The following AUTS2 variants were observed in gnomAD, a reference collection of about 807,000 sequenced individuals.
AUTS2 encodes activator of transcription and developmental regulator AUTS2.
A neutral mutation model predicts 112.4 loss-of-function variants in AUTS2; 17 were observed. The observed-to-expected ratio is 0.15, with a 90% CI of 0.10 to 0.23. The LOEUF (loss-of-function observed/expected upper bound fraction) is 0.23. AUTS2 is among the 10% of genes least tolerant of loss of function. The pLI, the probability that AUTS2 is intolerant of heterozygous loss-of-function variation, is 1.00. For synonymous variants in AUTS2, 751 were observed against 702.7 expected, an observed-to-expected ratio of 1.07 and a Z score of -1.09; for missense variants, 1,510 against 1,701.6, an observed-to-expected ratio of 0.89 and a Z score of 1.98.
At chr7:69,701,873 T>C (rs896252518) in intron 1 of AUTS2, among the ~76,000 whole-genome samples, 2 of 152,198 alleles carry the variant, frequency 1.3e-5, no homozygotes, top group African/African-American at 2.4e-5. Context: ...GTCTCCTGAC[T>C]CTGAATCTCC....
In AUTS2 at chr7:70,003,390, A is replaced by T. The variant is rs185693657; in HGVS notation, c.522+103892A>T. On this transcript the variant is annotated intron_variant, in intron 2 of 18. Transcript: ENST00000342771. ...TATTATATATGTGAATATATATAACATATGAATATATATAATATATATGAA... is the reference window on the plus strand; with the variant it reads ...TATTATATATGTGAATATATATAACTTATGAATATATATAATATATATGAA... 6.9e-4 allele frequency among the ~76,000 whole-genome samples: 87 copies of T among 126,242 alleles called. 1 individual carries two copies. The highest frequency in any genetic ancestry group is 2.7e-3 in the African/African-American group (85 of 32,040). 82.8% of individuals were successfully genotyped at this position (126,242 alleles called of 152,430 possible). A position where few individuals can be genotyped will look rare whatever the true frequency, so the allele number is the denominator to read the frequency against.
Position 70,766,106 on chromosome 7 carries a change from T to A in AUTS2, c.1469-8T>A, listed in dbSNP as rs1789923714. On this transcript the variant is annotated splice_polypyrimidine_tract_variant and splice_region_variant and intron_variant, in intron 8 of 18. Transcript: ENST00000342771. The surrounding 1 kb of genome is among the most constrained non-coding windows in gnomAD (Gnocchi z 4.8). ...AGGCGTCATCGTCTCCCTCTTCTTC[T>A]CTTCCAGAGCAAGACATCTTGCGAC... 1 of 1,610,044 alleles carries A rather than the reference T, an allele frequency of 6.2e-7. No individual in the cohort carries two copies. Among genetic ancestry groups the A allele is most frequent in the African/African-American group, 1.3e-5 (1 of 74,826 alleles).
chr7:69,841,019 A>G (rs954791384), intron 1 of AUTS2, among the ~76,000 whole-genome samples: 7 of 152,196 alleles, frequency 4.6e-5, no homozygotes, highest in Admixed American at 3.9e-4. Flanking sequence ...ACCCTTAACA[A>G]TGGCGGTCAC....
At chr7:69,842,547 G>C (rs1291444631) in intron 1 of AUTS2, among the ~76,000 whole-genome samples, 1 of 152,156 alleles carries the variant, frequency 6.6e-6, no homozygotes, top group Non-Finnish European at 1.5e-5. Flanking sequence ...GAAGTAGTGG[G>C]ATATTCTTTG....
intron 4 of AUTS2, among the ~76,000 whole-genome samples, chr7:70,209,486 T>A (rs187560183): frequency 4.5e-4 from 69 of 152,172 alleles, no homozygotes; most frequent in Non-Finnish European, 8.8e-4. Flanking sequence ...GCATATGGGA[T>A]TGAAAGCTAT....
At chr7:70,502,424 G>C (rs1183377928) in intron 5 of AUTS2, among the ~76,000 whole-genome samples, 1 of 152,214 alleles carries the variant, frequency 6.6e-6, no homozygotes, top group East Asian at 1.9e-4. Flanking sequence ...GAGATGGCCT[G>C]CATCTGTTTG....
intron 5 of AUTS2, among the ~76,000 whole-genome samples, chr7:70,665,911 C>G (rs1469865325): frequency 1.3e-5 from 2 of 152,146 alleles, no homozygotes; most frequent in East Asian, 3.9e-4. Flanking sequence ...GAACACAAAC[C>G]CATAAACAGT....
intron 15 of AUTS2, chr7:70,783,096 T>G (rs1280055289): frequency 6.6e-6 from 1 of 152,238 alleles, no homozygotes; most frequent in Non-Finnish European, 1.5e-5. Context: ...TCAATAATTC[T>G]GGAACTGCAA....
chr7:70,328,678 T>C (rs1284933123), intron 4 of AUTS2, among the ~76,000 whole-genome samples: 1 of 152,162 alleles, frequency 6.6e-6, no homozygotes, highest in Non-Finnish European at 1.5e-5. Flanking sequence ...AAGCAATAAG[T>C]AAAATTAACC....
At chr7:69,695,927 A>G (rs1797542243) in intron 1 of AUTS2, among the ~76,000 whole-genome samples, 1 of 152,190 alleles carries the variant, frequency 6.6e-6, no homozygotes, top group Non-Finnish European at 1.5e-5. Flanking sequence ...TTGACACTCA[A>G]GAAATGCTCT....
At chr7:69,768,392 T>C (rs758678731) in intron 1 of AUTS2, among the ~76,000 whole-genome samples, 1 of 152,210 alleles carries the variant, frequency 6.6e-6, no homozygotes, top group African/African-American at 2.4e-5. Flanking sequence ...TTCAGTTTCA[T>C]AGATAGTGAA....
intron 4 of AUTS2, among the ~76,000 whole-genome samples, chr7:70,395,913 G>A (rs754535017): frequency 7.2e-5 from 11 of 152,082 alleles, no homozygotes; most frequent in Non-Finnish European, 1.3e-4. Flanking sequence ...GCTGTTTACC[G>A]TCAAGCCTGT....
chr7:69,704,173 C>G (rs1460981520), intron 1 of AUTS2, among the ~76,000 whole-genome samples: 1 of 152,162 alleles, frequency 6.6e-6, no homozygotes, highest in Non-Finnish European at 1.5e-5. Flanking sequence ...TGCTGTTGAA[C>G]TGGGTTCTAA....
At chr7:70,464,862 T>G (rs574488673) in intron 5 of AUTS2, among the ~76,000 whole-genome samples, 1 of 152,302 alleles carries the variant, frequency 6.6e-6, no homozygotes, top group East Asian at 1.9e-4. Flanking sequence ...TCTTTATTGT[T>G]TATGGGTTGT....
At chr7:70,058,276 T>C (rs1040961566) in intron 2 of AUTS2, among the ~76,000 whole-genome samples, 7 of 152,330 alleles carry the variant, frequency 4.6e-5, no homozygotes, top group Non-Finnish European at 8.8e-5. Flanking sequence ...TAAGGACTTA[T>C]TGGCTTTGTC....
rs200725152 is a variant in AUTS2, at chr7:70,354,994, GTA to G, written c.661-80756_661-80755del. Among the ~76,000 whole-genome samples the G allele has an allele frequency of 4.8e-3, 720 of 150,812 alleles. 2 individuals are homozygous for G. Among genetic ancestry groups the G allele is most frequent in the Admixed American group, 6.4e-3 (96 of 15,098 alleles). On this transcript the variant is annotated intron_variant, in intron 4 of 18. Transcript: ENST00000342771. ...TGTGTGTATGTATGGGTGTGTGTGT[GTA>G]TGGGTGTGTGTGTATGTATGTGTGT...
rs1354533272 is a variant in AUTS2 at position 70,287,909 on chromosome 7, A to G, written c.661-147843A>G. Among the ~76,000 whole-genome samples, 3 of 152,108 alleles carry G rather than the reference A, an allele frequency of 2.0e-5. No individual in the cohort carries two copies. In the East Asian group the frequency reaches 5.8e-4, roughly 29 times the overall value. On this transcript the variant is annotated intron_variant, in intron 4 of 18. Transcript: ENST00000342771. ...TGGAAATCACAGTGGTAATACTTAT[A>G]TTTCAGCCCTTAGATATTCCCAGTG...
At chr7:69,617,066 A>G (rs1396296540) in intron 1 of AUTS2, among the ~76,000 whole-genome samples, 1 of 152,224 alleles carries the variant, frequency 6.6e-6, no homozygotes, top group Non-Finnish European at 1.5e-5. Flanking sequence ...GTAAATAAAC[A>G]AATATATAAT....
At position 70,561,839 on chromosome 7, in the gene AUTS2, G is replaced by A. The variant is rs536532945; in HGVS notation, c.690+126058G>A. ...CAGATAATAGCCAGAACTAGGTCAC[G>A]TGTTGATAAGGTTTAGATACTTGTT... is the stretch of plus-strand genomic sequence containing the variant. On this transcript the variant is annotated intron_variant, in intron 5 of 18. Transcript: ENST00000342771. 1.1e-4 allele frequency among the ~76,000 whole-genome samples: 17 copies of A among 152,192 alleles called. No individual in the cohort carries two copies. The East Asian group carries it at 1.2e-3, about 10-fold the overall frequency.
Sources: allele counts gnomAD v4.1 joint callset (sites outside exome capture counted in the v4.1 genomes callset), GRCh38; gene constraint gnomAD v4.1.1; non-coding constraint Gnocchi (gnomAD v3.1); transcripts MANE v1.5; gene names NCBI Gene and HGNC (gene_info 2026-07-23, HGNC 2026-07-21).